CYRIB: variants seen among roughly 807,000 people sequenced by gnomAD.
The protein encoded by CYRIB is CYFIP-related Rac1 interactor B.
Under a neutral mutation model 44.2 loss-of-function variants are expected in CYRIB, and 8 were observed. The ratio of observed to expected loss-of-function variants is 0.18; its 90% CI spans 0.11 to 0.33. CYRIB has a LOEUF of 0.33. Ranked by LOEUF, CYRIB falls within the 10% of genes least tolerant of loss-of-function variation. CYRIB has a pLI of 1.00. For missense variants in CYRIB, 185 were observed against 382.8 expected (o/e 0.48, Z 4.31); for synonymous variants, 131 against 127.2 (o/e 1.03, Z -0.20).
At chr8:129,962,565 C>A (rs2095309587) in intron 2 of CYRIB, among the ~76,000 whole-genome samples, 1 of 152,072 alleles carries the variant, frequency 6.6e-6, no homozygotes, top group South Asian at 2.1e-4. Flanking sequence ...CTATGAATGC[C>A]CTTTACGTTT....
intron 3 of CYRIB, among the ~76,000 whole-genome samples, chr8:129,871,818 CT>C (rs1205961094): frequency 1.3e-5 from 2 of 152,090 alleles, no homozygotes; most frequent in Non-Finnish European, 2.9e-5. Context: ...TTAACAATCA[CT>C]TTTTCTACTA....
intron 1 of CYRIB, among the ~76,000 whole-genome samples, chr8:130,011,621 T>C (rs555328080): frequency 6.6e-6 from 1 of 150,832 alleles, no homozygotes; most frequent in Non-Finnish European, 1.5e-5. Flanking sequence ...ATTGAGACCA[T>C]CCTAGCAAAC....
intron 1 of CYRIB, among the ~76,000 whole-genome samples, chr8:130,002,250 C>T (rs1307714925): frequency 1.3e-5 from 2 of 152,276 alleles, no homozygotes; most frequent in Middle Eastern, 3.4e-3. Context: ...TGTTTCCGCT[C>T]AGAAGTTCTA....
intron 1 of CYRIB, among the ~76,000 whole-genome samples, chr8:129,998,671 G>A (rs1177555177): frequency 6.7e-6 from 1 of 149,184 alleles, no homozygotes. Context: ...TTGCTCTGTC[G>A]TCCAGGGTGG....
At chr8:129,927,412 TAAG>T (rs1174779346) in intron 1 of CYRIB, among the ~76,000 whole-genome samples, 2 of 152,226 alleles carry the variant, frequency 1.3e-5, no homozygotes, top group Non-Finnish European at 2.9e-5. Context: ...TTCGGTCTGC[TAAG>T]AAGTTTAAGT....
chr8:129,978,069 T>A (rs2096035744), intron 1 of CYRIB, among the ~76,000 whole-genome samples: 2 of 152,134 alleles, frequency 1.3e-5, no homozygotes, highest in African/African-American at 4.8e-5. Context: ...TACAGGCGTG[T>A]GCCACCATGC....
At chr8:129,910,477 C>CT (rs1171288097) in intron 1 of CYRIB, among the ~76,000 whole-genome samples, 2,970 of 110,588 alleles carry the variant, frequency 0.027, 80 homozygotes, top group African/African-American at 0.039. Context: ...CCTTCTTTCA[C>CT]TTTTTTTTTT....
At chr8:129,869,897 C>CA (rs1396231480) in intron 4 of CYRIB, among the ~76,000 whole-genome samples, 4 of 147,646 alleles carry the variant, frequency 2.7e-5, no homozygotes, top group South Asian at 2.2e-4. Context: ...CCCCCCCGCC[C>CA]AAAAAAAGGA....
At chr8:129,995,172 G>A (rs186978173) in intron 1 of CYRIB, among the ~76,000 whole-genome samples, 71 of 152,324 alleles carry the variant, frequency 4.7e-4, no homozygotes, top group Non-Finnish European at 7.3e-4. Flanking sequence ...GCAGAATTAA[G>A]TAAAGGTAGA....
chr8:129,855,092 T>C (rs1395253947), intron 6 of CYRIB, among the ~76,000 whole-genome samples: 1 of 152,072 alleles, frequency 6.6e-6, no homozygotes, highest in African/African-American at 2.4e-5. Context: ...GAAAAAGTAT[T>C]AGAAAAAAAG....
chr8:130,011,283 G>A (rs1413822250), intron 1 of CYRIB, among the ~76,000 whole-genome samples: 1 of 152,168 alleles, frequency 6.6e-6, no homozygotes, highest in Non-Finnish European at 1.5e-5. Flanking sequence ...CACATTGGGA[G>A]GCTGAGGTGG....
intron 2 of CYRIB, among the ~76,000 whole-genome samples, chr8:129,884,211 T>C (rs1400217097): frequency 6.6e-6 from 1 of 152,168 alleles, no homozygotes; most frequent in Non-Finnish European, 1.5e-5. Context: ...TTGAGTTGGA[T>C]TTCTGCCATC....
chr8:130,010,143 G>A (rs1469679184), intron 1 of CYRIB, among the ~76,000 whole-genome samples: 4 of 152,180 alleles, frequency 2.6e-5, no homozygotes, highest in Non-Finnish European at 2.9e-5. Context: ...TCTCTGGCAT[G>A]GTTTATGTTG....
Position 129,988,037 on chromosome 8 carries a change from G to A in CYRIB, c.-295-17042C>T, listed in dbSNP as rs182811615. ...CTGCGAGCACGCCAACAGACAACAC[G>A]AGGCGGTGTGGAGCAACATGCTGTT... is the stretch of plus-strand genomic sequence containing the variant. On this transcript the variant is annotated intron_variant, in intron 1 of 14. Coordinates refer to the CYRIB transcript ENST00000401979. 1.4e-3 allele frequency among the ~76,000 whole-genome samples: 214 copies of A among 152,298 alleles called. 2 individuals are homozygous for A. The South Asian group carries it at 0.027, about 19-fold the overall frequency.
At chr8:129,895,882 C>A (rs555503853) in intron 2 of CYRIB, among the ~76,000 whole-genome samples, 31 of 152,278 alleles carry the variant, frequency 2.0e-4, no homozygotes, top group Admixed American at 1.0e-3. Flanking sequence ...TTTATTTGAT[C>A]ATTTAAAAAT....
chr8:129,927,059 G>C (rs2088208192), intron 1 of CYRIB, among the ~76,000 whole-genome samples: 1 of 152,104 alleles, frequency 6.6e-6, no homozygotes, highest in South Asian at 2.1e-4. Context: ...GAGGTGGGCA[G>C]ATCACTTGAG....
intron 2 of CYRIB, among the ~76,000 whole-genome samples, chr8:129,881,611 C>G (rs1312099864): frequency 6.6e-6 from 1 of 152,194 alleles, no homozygotes; most frequent in Non-Finnish European, 1.5e-5. Flanking sequence ...ACACAAATTT[C>G]TTATAAAATG....
chr8:129,965,183 T>C (rs1442912306), intron 2 of CYRIB, among the ~76,000 whole-genome samples: 3 of 151,922 alleles, frequency 2.0e-5, no homozygotes, highest in African/African-American at 7.3e-5. Context: ...CAGGATATCT[T>C]CCACCCACCC....
chr8:129,907,620 A>C (rs2076110551), intron 1 of CYRIB, among the ~76,000 whole-genome samples: 1 of 152,200 alleles, frequency 6.6e-6, no homozygotes, highest in Non-Finnish European at 1.5e-5. Context: ...TATGAAAAAA[A>C]AAATTTGCTG....
Sources: gnomAD v4.1 joint callset for allele counts (sites outside exome capture counted in the v4.1 genomes callset) on GRCh38, gnomAD v4.1.1 for gene constraint, MANE v1.5 for transcripts, NCBI Gene and HGNC (gene_info 2026-07-23, HGNC 2026-07-21) for gene names.